Variants in CNTN5 observed in about 807,000 individuals in gnomAD.
CNTN5 encodes contactin-5.
CNTN5 carries 77 observed loss-of-function variants against 129.1 expected under a neutral mutation model. The observed-to-expected ratio is 0.60, with a 90% CI of 0.50 to 0.72. The LOEUF (loss-of-function observed/expected upper bound fraction) is 0.72. Ranked by LOEUF, CNTN5 falls within the 30% of genes least tolerant of loss-of-function variation. The probability of loss-of-function intolerance (pLI) is 0.00; values close to 1 mark genes in which losing one functional copy is unlikely to be tolerated. For missense variants in CNTN5, 1,478 were observed against 1,328.8 expected (o/e 1.11, Z -1.75); for synonymous variants, 509 against 465.6 (o/e 1.09, Z -1.20).
intron 2 of CNTN5, among the ~76,000 whole-genome samples, chr11:99,486,994 T>A (rs753593216): frequency 2.0e-5 from 3 of 152,194 alleles, no homozygotes; most frequent in Non-Finnish European, 4.4e-5. Flanking sequence ...TCCTCTGGTA[T>A]TTTTGGAAGA....
intron 3 of CNTN5, among the ~76,000 whole-genome samples, chr11:99,788,842 AT>A (rs1289496537): frequency 6.6e-6 from 1 of 151,896 alleles, no homozygotes; most frequent in African/African-American, 2.4e-5. Context: ...TCTATTTTAT[AT>A]ACGGGGAATG....
intron 6 of CNTN5, among the ~76,000 whole-genome samples, chr11:99,915,720 G>A (rs569023857): frequency 8.5e-5 from 13 of 152,186 alleles, no homozygotes; most frequent in Admixed American, 2.6e-4. Context: ...GAGAATGGGC[G>A]TTATTGGTAG....
intron 1 of CNTN5, among the ~76,000 whole-genome samples, chr11:99,124,873 G>T (rs1342025878): frequency 6.6e-6 from 1 of 151,886 alleles, no homozygotes; most frequent in Non-Finnish European, 1.5e-5. Context: ...AGAAAAAAAT[G>T]AATAAATTCC....
chr11:100,301,190 G>T (rs1279034408), intron 20 of CNTN5, among the ~76,000 whole-genome samples: 1 of 151,550 alleles, frequency 6.6e-6, no homozygotes, highest in Admixed American at 6.6e-5. Context: ...TAAAATGTTG[G>T]AAACTAATTA....
At chr11:99,847,136 G>A (rs1366407989) in intron 6 of CNTN5, among the ~76,000 whole-genome samples, 1 of 152,156 alleles carries the variant, frequency 6.6e-6, no homozygotes, top group Non-Finnish European at 1.5e-5. Flanking sequence ...TTTGATACAA[G>A]GTATACCAGT....
chr11:99,750,656 T>C (rs1944201555), intron 3 of CNTN5, among the ~76,000 whole-genome samples: 2 of 152,078 alleles, frequency 1.3e-5, no homozygotes, highest in Non-Finnish European at 1.5e-5. Context: ...TAACTAAATA[T>C]ACTGTGGAGC....
At chr11:99,435,318 A>G (rs1388758325) in intron 2 of CNTN5, among the ~76,000 whole-genome samples, 4 of 152,150 alleles carry the variant, frequency 2.6e-5, no homozygotes, top group African/African-American at 7.2e-5. Flanking sequence ...AAAACAGTTT[A>G]TTTCTTGCTC....
chr11:100,013,521 C>T (rs146359060), intron 9 of CNTN5, among the ~76,000 whole-genome samples: 1 of 152,214 alleles, frequency 6.6e-6, no homozygotes, highest in Non-Finnish European at 1.5e-5. Context: ...AAACTTCTAC[C>T]TTGTCCTGGA....
chr11:99,155,427 G>A (rs1298158056), intron 1 of CNTN5, among the ~76,000 whole-genome samples: 2 of 152,074 alleles, frequency 1.3e-5, no homozygotes, highest in Admixed American at 6.6e-5. Flanking sequence ...ACAACTACAC[G>A]CTTTGCTGTT....
chr11:99,830,962 C>A lies in CNTN5; in HGVS notation c.277+11197C>A, dbSNP rs945725187. On this transcript the variant is annotated intron_variant, in intron 4 of 24. Coordinates refer to ENST00000524871, the MANE Select transcript of CNTN5 (RefSeq NM_014361.4). Reference sequence around the variant, plus strand: ...GAAATCTATAGGCTGAATTTCTATACCATGATAGTATATTTACTAAATATT... The same window carrying A: ...GAAATCTATAGGCTGAATTTCTATAACATGATAGTATATTTACTAAATATT... Among the ~76,000 whole-genome samples, 8 of 152,052 alleles carry A rather than the reference C, an allele frequency of 5.3e-5. No individual in the cohort carries two copies. The East Asian group carries it at 1.6e-3, about 30-fold the overall frequency.
intron 13 of CNTN5, among the ~76,000 whole-genome samples, chr11:100,084,880 C>A (rs980741311): frequency 6.6e-6 from 1 of 152,034 alleles, no homozygotes; most frequent in African/African-American, 2.4e-5. Flanking sequence ...TCTTTCTCTA[C>A]CCTCTGAAGG....
intron 2 of CNTN5, among the ~76,000 whole-genome samples, chr11:99,417,552 A>G (rs577450454): frequency 2.6e-5 from 4 of 152,156 alleles, no homozygotes; most frequent in African/African-American, 4.8e-5. Context: ...AATAGACTTT[A>G]TTATAGCCAT....
chr11:99,271,264 TTAAC>T (rs1378769601), intron 1 of CNTN5, among the ~76,000 whole-genome samples: 1 of 151,884 alleles, frequency 6.6e-6, no homozygotes, highest in Non-Finnish European at 1.5e-5. Context: ...ATTTTTTTAT[TTAAC>T]TACTTCTTTT....
rs397721617 is a variant in CNTN5, at chr11:99,312,825, T to TC, written c.-209-12517dup. 7.0e-3 allele frequency among the ~76,000 whole-genome samples: 1,068 copies of TC among 151,490 alleles called. 10 individuals are homozygous for TC. The highest frequency in any genetic ancestry group is 0.011 in the Non-Finnish European group (713 of 67,716). ...GAGAAATTAAGTGATTTTTTTTTTT[T>TC]CCCCAGGAGCCTCAGCAAATAAATG... On this transcript the variant is annotated intron_variant, in intron 1 of 24. Transcript: ENST00000524871.
intron 1 of CNTN5, among the ~76,000 whole-genome samples, chr11:99,080,024 G>A (rs1316542183): frequency 2.0e-5 from 3 of 152,114 alleles, no homozygotes; most frequent in East Asian, 3.9e-4. Flanking sequence ...TGTGTAACAC[G>A]AAGCCTAACA....
At position 99,609,438 on chromosome 11, in the gene CNTN5, T is replaced by C. The variant is rs578122260; in HGVS notation, c.55+53169T>C. ...GCAGATCAGAAAGACCCCACCTGTC[T>C]AGGTTCTTTTTCTTTTCATAAGGTT... On this transcript the variant is annotated intron_variant, in intron 3 of 24. Transcript: ENST00000524871. Among the ~76,000 whole-genome samples the C allele has an allele frequency of 2.0e-4, 31 of 152,278 alleles. No individual in the cohort carries two copies. The South Asian group carries it at 6.0e-3, about 29-fold the overall frequency.
chr11:99,774,273 A>T (rs911524314), intron 3 of CNTN5, among the ~76,000 whole-genome samples: 2 of 130,934 alleles, frequency 1.5e-5, no homozygotes, highest in Non-Finnish European at 1.7e-5. Flanking sequence ...TCAGAGTGAT[A>T]AAAAAAAAAA....
At chr11:99,021,591 A>C (rs573719064) in intron 1 of CNTN5, among the ~76,000 whole-genome samples, 147 of 152,338 alleles carry the variant, frequency 9.6e-4, no homozygotes, top group African/African-American at 3.4e-3. Context: ...TGCCAGGATA[A>C]AGTGAGGATG....
chr11:99,995,134 C>T (rs1187356561), intron 8 of CNTN5, among the ~76,000 whole-genome samples: 2 of 152,050 alleles, frequency 1.3e-5, no homozygotes, highest in African/African-American at 4.8e-5. Context: ...GGGAGTTAGC[C>T]TTTTAGAGTA....
Sources: allele counts gnomAD v4.1 joint callset (sites outside exome capture counted in the v4.1 genomes callset), GRCh38; gene constraint gnomAD v4.1.1; transcripts MANE v1.5; gene names NCBI Gene and HGNC (gene_info 2026-07-23, HGNC 2026-07-21).